WDR72: variants seen among roughly 807,000 people sequenced by gnomAD.
WDR72 encodes the protein WD repeat-containing protein 72.
Under a neutral mutation model 124.2 loss-of-function variants are expected in WDR72, and 120 were observed. That is an observed-to-expected ratio of 0.97 (90% CI 0.83 to 1.12). WDR72 has a LOEUF of 1.12. Among genes scored for constraint, WDR72 ranks in the 50% most tolerant of loss-of-function variants. The pLI is 0.00. For missense variants in WDR72, 1,387 were observed against 1,278.8 expected (o/e 1.08, Z -1.29); for synonymous variants, 452 against 441.7 (o/e 1.02, Z -0.29).
chr15:53,689,204 A>G lies in WDR72; in HGVS notation c.1765+10546T>C, dbSNP rs529028922. 7.4e-4 allele frequency among the ~76,000 whole-genome samples: 112 copies of G among 152,104 alleles called. 1 individual carries two copies. Among genetic ancestry groups the G allele is most frequent in the African/African-American group, 2.7e-3 (110 of 41,406 alleles). On this transcript the variant is annotated intron_variant, in intron 13 of 19. Transcript: ENST00000360509. ...CAAAAGCAATGCCAACAAAAGCCAA[A>G]ATTGACAAATGGGATCTAATTAAAC...
chr15:53,695,316 T>G (rs2016969562), intron 13 of WDR72, among the ~76,000 whole-genome samples: 1 of 152,244 alleles, frequency 6.6e-6, no homozygotes, highest in Non-Finnish European at 1.5e-5. Context: ...GTACTCAGAA[T>G]TATTTTAAAT....
rs67659814 is a variant in WDR72 at position 53,736,998 on chromosome 15, AACACACACACACACACACAC to A, written c.-12-3857_-12-3838del. ...TGGTGTAAAACAAAGGTAGATGTAAAACACACACACACACACACACACACACACACACACACACACACACA... is the reference window on the plus strand; with the variant it reads ...TGGTGTAAAACAAAGGTAGATGTAAAACACACACACACACACACACACACA... On this transcript the variant is annotated intron_variant, in intron 1 of 19. Transcript: ENST00000360509. Among the ~76,000 whole-genome samples the A allele has an allele frequency of 5.9e-3, 832 of 141,232 alleles. 8 individuals are homozygous for A. Among genetic ancestry groups the A allele is most frequent in the African/African-American group, 0.02 (786 of 38,404 alleles). The allele number at this position is 141,232 out of a possible 152,430, so 92.7% of individuals were successfully genotyped here.
In WDR72 at chr15:53,615,748, T is replaced by C; in HGVS notation, c.2458A>G (p.Asn820Asp). The change falls in exon 15 of 20, where the codon AAT becomes GAT. Residue 820 changes from asparagine to aspartate, a missense_variant. Coordinates refer to ENST00000360509, the MANE Select transcript of WDR72 (RefSeq NM_182758.4). Reference sequence around the variant, plus strand: ...ATAGGACCCTGAAGCTTTAAAATATTGAGGTGCTTAATGCAAAGATAATCT... The same window carrying C: ...ATAGGACCCTGAAGCTTTAAAATATCGAGGTGCTTAATGCAAAGATAATCT... ...DLDYLCIKHL[N>D]ILKLQGPISL... The C allele has an allele frequency of 6.2e-7, 1 of 1,613,532 alleles. No homozygotes were observed. The highest frequency in any genetic ancestry group is 8.5e-7 in the Non-Finnish European group (1 of 1,179,672).
chr15:53,759,761 G>C (rs1261967874), upstream of WDR72: 3 of 133,286 alleles, frequency 2.3e-5, no homozygotes, highest in African/African-American at 8.2e-5. Context: ...CGCAGCGCGC[G>C]GACCGGGCTA....
At chr15:53,647,189 C>T (rs1052763510) in intron 14 of WDR72, among the ~76,000 whole-genome samples, 1 of 151,910 alleles carries the variant, frequency 6.6e-6, no homozygotes, top group African/African-American at 2.4e-5. Flanking sequence ...CACAATAGTA[C>T]AGAACATGAA....
At chr15:53,615,374 A>G (rs1186012730) in intron 15 of WDR72, 52 bp downstream of exon 15, 8 of 1,376,624 alleles carry the variant, frequency 5.8e-6, no homozygotes, top group African/African-American at 1.5e-5. Context: ...ATAATGATAT[A>G]TATTTTTAAT....
intron 18 of WDR72, among the ~76,000 whole-genome samples, chr15:53,564,108 T>C (rs4774668): frequency 0.33 from 50,440 of 151,634 alleles, 8,831 homozygotes; most frequent in Admixed American, 0.43. Flanking sequence ...GTTTTTCTTG[T>C]AACCAAGAAA....
chr15:53,745,163 A>G (rs2018613706), intron 1 of WDR72, among the ~76,000 whole-genome samples: 1 of 152,140 alleles, frequency 6.6e-6, no homozygotes, highest in Non-Finnish European at 1.5e-5. Flanking sequence ...AATGGAAAAA[A>G]AAAATTACCT....
chr15:53,683,198 T>G (rs939440783), intron 13 of WDR72, among the ~76,000 whole-genome samples: 1 of 152,098 alleles, frequency 6.6e-6, no homozygotes, highest in Non-Finnish European at 1.5e-5. Flanking sequence ...GAGGTGAGAT[T>G]TGGGTGGGGA....
At chr15:53,755,956 T>G (rs918722446) in intron 1 of WDR72, among the ~76,000 whole-genome samples, 23 of 152,322 alleles carry the variant, frequency 1.5e-4, no homozygotes, top group African/African-American at 5.5e-4. Flanking sequence ...TCATTATTCC[T>G]CTTAACATAA....
At chr15:53,601,286 A>T (rs1313363160) in intron 17 of WDR72, among the ~76,000 whole-genome samples, 5 of 152,146 alleles carry the variant, frequency 3.3e-5, no homozygotes, top group African/African-American at 1.2e-4. Context: ...GAGAAAAAAG[A>T]TCCTTCTCAG....
chr15:53,714,068 T>G (rs1003917410), intron 6 of WDR72, among the ~76,000 whole-genome samples: 1 of 152,004 alleles, frequency 6.6e-6, no homozygotes, highest in Non-Finnish European at 1.5e-5. Flanking sequence ...GCCCCTCAAG[T>G]TTTTAGGGTC....
chr15:53,728,086 T>C (rs980653212), intron 2 of WDR72, among the ~76,000 whole-genome samples: 42 of 152,224 alleles, frequency 2.8e-4, no homozygotes, highest in Non-Finnish European at 1.3e-4. Context: ...AAGACATAAC[T>C]GAGACCGGGC....
intron 1 of WDR72, 23 bp downstream of exon 1, chr15:53,759,610 C>A (rs690656): frequency 0.33 from 50,832 of 152,316 alleles, 8,793 homozygotes; most frequent in South Asian, 0.47. Flanking sequence ...GCCCGACCTG[C>A]GCTCTGGGGG....
chr15:53,607,751 C>T (rs553221494), intron 17 of WDR72, among the ~76,000 whole-genome samples: 3 of 152,182 alleles, frequency 2.0e-5, no homozygotes, highest in African/African-American at 4.8e-5. Context: ...TATTTGCAAA[C>T]TACCCATCTG....
chr15:53,703,020 C>T (rs1768920064), intron 11 of WDR72, among the ~76,000 whole-genome samples: 1 of 151,570 alleles, frequency 6.6e-6, no homozygotes, highest in Non-Finnish European at 1.5e-5. Context: ...CTCGGATGAT[C>T]CTTCCACCTC....
intron 1 of WDR72, among the ~76,000 whole-genome samples, chr15:53,751,718 A>G (rs1040110722): frequency 2.0e-5 from 3 of 152,132 alleles, no homozygotes; most frequent in African/African-American, 4.8e-5. Flanking sequence ...TCATCCAGGA[A>G]AGGGGATCAA....
chr15:53,675,615 T>C (rs2016145116), intron 13 of WDR72, among the ~76,000 whole-genome samples: 1 of 152,222 alleles, frequency 6.6e-6, no homozygotes, highest in African/African-American at 2.4e-5. Context: ...TTTAAAATAT[T>C]TCAAAAGTAG....
At chr15:53,585,534 A>G (rs1048144857) in intron 18 of WDR72, among the ~76,000 whole-genome samples, 2 of 152,002 alleles carry the variant, frequency 1.3e-5, no homozygotes, top group Admixed American at 6.6e-5. Flanking sequence ...CTTTCCTGTG[A>G]TGCCCCCATG....
Sources: gnomAD v4.1 joint callset for allele counts (sites outside exome capture counted in the v4.1 genomes callset) on GRCh38, gnomAD v4.1.1 for gene constraint, MANE v1.5 for transcripts, NCBI Gene and HGNC (gene_info 2026-07-23, HGNC 2026-07-21) for gene names.